ARHGAP31: variants seen among roughly 807,000 people sequenced by gnomAD.
The protein encoded by ARHGAP31 is rho GTPase-activating protein 31.
Under a neutral mutation model 113.9 loss-of-function variants are expected in ARHGAP31, and 34 were observed. The ratio of observed to expected loss-of-function variants is 0.30; its 90% CI spans 0.23 to 0.40. ARHGAP31 has a LOEUF of 0.40. ARHGAP31 is among the 10% of genes least tolerant of loss of function. The pLI is 1.00. For missense variants in ARHGAP31, 1,548 were observed against 1,767.1 expected (o/e 0.88, Z 2.22); for synonymous variants, 650 against 684.8 (o/e 0.95, Z 0.79).
chr3:119,321,949 G>A (rs942427801), intron 1 of ARHGAP31, among the ~76,000 whole-genome samples: 8 of 152,164 alleles, frequency 5.3e-5, no homozygotes, highest in Admixed American at 3.3e-4. Context: ...CACCACGCCC[G>A]GCCCATAGTA....
intron 1 of ARHGAP31, among the ~76,000 whole-genome samples, chr3:119,295,655 AC>A (rs941953760): frequency 7.9e-5 from 12 of 151,982 alleles, no homozygotes; most frequent in Admixed American, 6.6e-4. Flanking sequence ...GGTGTGTCAG[AC>A]AAGAAGAGTG....
In ARHGAP31 at chr3:119,409,478, C is replaced by T; in HGVS notation, c.1646-18C>T. The T allele has an allele frequency of 6.2e-7, 1 of 1,614,004 alleles. No homozygotes were observed. Among genetic ancestry groups the T allele is most frequent in the Non-Finnish European group, 8.5e-7 (1 of 1,179,978 alleles). ...AAATGAAGTCTCCTTTAACTGATAA[C>T]TCTCATTTTCACTGCAGCTTCTGTA... On this transcript the variant is annotated intron_variant, in intron 10 of 11. Transcript: ENST00000264245.
At chr3:119,319,289 A>C (rs1299084135) in intron 1 of ARHGAP31, among the ~76,000 whole-genome samples, 1 of 151,070 alleles carries the variant, frequency 6.6e-6, no homozygotes, top group Admixed American at 6.6e-5. Context: ...GGGTCAGAAA[A>C]TTTTTCTATT....
chr3:119,357,667 T>G (rs564667945), intron 1 of ARHGAP31, among the ~76,000 whole-genome samples: 1 of 152,278 alleles, frequency 6.6e-6, no homozygotes, highest in African/African-American at 2.4e-5. Flanking sequence ...AGAAGTACAG[T>G]ATAAACACTT....
In ARHGAP31 at chr3:119,415,415, C is replaced by T. The variant is rs1486229774; in HGVS notation, c.3486C>T (p.Pro1162=). Residue 1162 remains proline (P), a synonymous_variant, in exon 12 of 12, where the codon CCC becomes CCT. Coordinates refer to ENST00000264245, the MANE Select transcript of ARHGAP31 (RefSeq NM_020754.4). ...CCTGGAGGGTTTACTCCCAGGACCC[C>T]CAGGACCTGGACATTGTTGCTCATG... is the stretch of plus-strand genomic sequence containing the variant. ...ADPWRVYSQD[P]QDLDIVAHAL... is the part of the protein sequence containing the mutation. 6.2e-7 allele frequency: 1 copy of T among 1,614,076 alleles called. No individual in the cohort carries two copies. The highest frequency in any genetic ancestry group is 1.1e-5 in the South Asian group (1 of 91,090).
chr3:119,383,146 A>G lies in ARHGAP31; in HGVS notation c.602A>G (p.Gln201Arg). The G allele has an allele frequency of 6.2e-7, 1 of 1,614,240 alleles. No homozygotes were observed. The change falls in exon 6 of 12, where the codon CAG becomes CGG. Residue 201 changes from glutamine (Q) to arginine (R), a missense_variant. By Grantham distance (43) the Gln-to-Arg change is conservative. Coordinates refer to ENST00000264245, the MANE Select transcript of ARHGAP31 (RefSeq NM_020754.4). ...GDAAFLAVRV[Q>R]QVVIEFILNH... is the part of the protein sequence containing the mutation. ...GCAGCCTTCCTTGCAGTCCGGGTCC[A>G]GCAGGTGGTGATTGAGTTCATATTG...
intron 1 of ARHGAP31, among the ~76,000 whole-genome samples, chr3:119,347,214 A>G (rs1010545585): frequency 1.3e-5 from 2 of 152,070 alleles, no homozygotes; most frequent in Non-Finnish European, 2.9e-5. Flanking sequence ...TCATTCCTCT[A>G]TGTATGTGCT....
intron 8 of ARHGAP31, among the ~76,000 whole-genome samples, chr3:119,395,974 A>G (rs1037480463): frequency 1.3e-5 from 2 of 152,208 alleles, no homozygotes; most frequent in Admixed American, 6.5e-5. Flanking sequence ...AGAAACTCCT[A>G]ATCTATGAAA....
In ARHGAP31 at chr3:119,415,206, A is replaced by G. The variant is rs2080763252; in HGVS notation, c.3277A>G (p.Thr1093Ala). The G allele has an allele frequency of 6.2e-7, 1 of 1,614,106 alleles. No homozygotes were observed. Among genetic ancestry groups the G allele is most frequent in the East Asian group, 2.2e-5 (1 of 44,898 alleles). ...EHPAKLQLKS[T>A]ECGPPKGKNR... ...CCCCGCAAAGTTACAGCTAAAGAGC[A>G]CAGAGTGTGGGCCCCCAAAAGGGAA... The change falls in exon 12 of 12, where the codon ACA becomes GCA. Residue 1093 changes from threonine (T) to alanine (A), a missense_variant. Thr to Ala is a moderately conservative substitution (Grantham distance 58). Coordinates refer to ENST00000264245, the MANE Select transcript of ARHGAP31 (RefSeq NM_020754.4).
intron 6 of ARHGAP31, among the ~76,000 whole-genome samples, chr3:119,390,170 A>C (rs1402399288): frequency 6.6e-6 from 1 of 152,254 alleles, no homozygotes; most frequent in Non-Finnish European, 1.5e-5. Flanking sequence ...ATGCCATAGA[A>C]TAGGAAAGGA....
chr3:119,380,757 T>C, intron 3 of ARHGAP31, 147 bp from the exon 4 acceptor site: 2 of 719,486 alleles, frequency 2.8e-6, no homozygotes, highest in South Asian at 3.0e-5. Context: ...GGATAGTTGT[T>C]TTCATAGTAA....
chr3:119,406,550 T>A (rs1056297838), intron 10 of ARHGAP31, among the ~76,000 whole-genome samples: 1 of 152,144 alleles, frequency 6.6e-6, no homozygotes, highest in Admixed American at 6.5e-5. Flanking sequence ...ACAGTGAAGT[T>A]CTATAGAGTC....
chr3:119,346,638 T>G (rs542895905), intron 1 of ARHGAP31, among the ~76,000 whole-genome samples: 1 of 152,268 alleles, frequency 6.6e-6, no homozygotes, highest in Admixed American at 6.5e-5. Flanking sequence ...TAATTTGAGC[T>G]GACTGCTAAG....
chr3:119,301,920 C>A (rs2079587949), intron 1 of ARHGAP31, among the ~76,000 whole-genome samples: 1 of 152,212 alleles, frequency 6.6e-6, no homozygotes, highest in Admixed American at 6.5e-5. Context: ...GCCTTCCCAC[C>A]CTGGCGTCTG....
At position 119,416,511 on chromosome 3, in the gene ARHGAP31, G is replaced by A. The variant is rs1185954989; in HGVS notation, c.*247G>A. On this transcript the variant is annotated 3_prime_UTR_variant, in exon 12 of 12. Transcript: ENST00000264245. ...AGTGAGAGAAGGTTAGGTAAGGGGAGAGGATGGAATGCTTGCCTCCAATGA... is the reference window on the plus strand; with the variant it reads ...AGTGAGAGAAGGTTAGGTAAGGGGAAAGGATGGAATGCTTGCCTCCAATGA... The A allele has an allele frequency of 1.8e-6, 1 of 540,812 alleles. No individual in the cohort carries two copies. Among genetic ancestry groups the A allele is most frequent in the Non-Finnish European group, 3.3e-6 (1 of 303,406 alleles). The allele number at this position is 540,812 out of a possible 1,614,324, so 33.5% of individuals were successfully genotyped here.
intron 1 of ARHGAP31, among the ~76,000 whole-genome samples, chr3:119,333,605 G>A (rs1244069664): frequency 6.6e-6 from 1 of 152,212 alleles, no homozygotes. Flanking sequence ...TGCAGCCTTT[G>A]TAATCCGTGC....
chr3:119,297,932 A>C (rs1034963625), intron 1 of ARHGAP31, among the ~76,000 whole-genome samples: 1 of 150,784 alleles, frequency 6.6e-6, no homozygotes, highest in Non-Finnish European at 1.5e-5. Context: ...ACACACACAC[A>C]CACACACACA....
At chr3:119,330,062 T>A (rs940039053) in intron 1 of ARHGAP31, 36 of 944,210 alleles carry the variant, frequency 3.8e-5, no homozygotes, top group Middle Eastern at 5.5e-4. Context: ...GATATTTCCA[T>A]TCAATCGTCT....
At chr3:119,340,661 A>C (rs2079999671) in intron 1 of ARHGAP31, among the ~76,000 whole-genome samples, 2 of 152,324 alleles carry the variant, frequency 1.3e-5, no homozygotes, top group Middle Eastern at 6.8e-3. Context: ...GAATTAGATC[A>C]AACACCATGG....
Sources: gnomAD v4.1 joint callset for allele counts (sites outside exome capture counted in the v4.1 genomes callset) on GRCh38, gnomAD v4.1.1 for gene constraint, MANE v1.5 for transcripts, NCBI Gene and HGNC (gene_info 2026-07-23, HGNC 2026-07-21) for gene names.